PDS5B: variants seen among roughly 807,000 people sequenced by gnomAD.
PDS5B encodes the protein PDS5 cohesin associated factor B, also known as sister chromatid cohesion protein PDS5 homolog B.
In PDS5B, 51 loss-of-function variants were observed where a neutral mutation model predicts 184.1. The ratio of observed to expected loss-of-function variants is 0.28; its 90% CI spans 0.22 to 0.35. The LOEUF (loss-of-function observed/expected upper bound fraction) is 0.35. PDS5B is among the 10% of genes least tolerant of loss of function. The pLI, the probability that PDS5B is intolerant of heterozygous loss-of-function variation, is 1.00. For missense variants in PDS5B, 1,180 were observed against 1,723.3 expected (o/e 0.68, Z 5.58); for synonymous variants, 566 against 569.2 (o/e 0.99, Z 0.08).
At chr13:32,753,214 A>G (rs1391691955) in intron 24 of PDS5B, 118 bp from the exon 25 acceptor site, 8 of 709,814 alleles carry the variant, frequency 1.1e-5, no homozygotes, top group African/African-American at 3.6e-5. Flanking sequence ...CAGTGAAGCA[A>G]TTATTGTAGA....
chr13:32,712,313 C>T (rs1157668971), intron 19 of PDS5B, among the ~76,000 whole-genome samples: 1 of 152,158 alleles, frequency 6.6e-6, no homozygotes, highest in East Asian at 1.9e-4. Flanking sequence ...GAATATATTT[C>T]AGATACTTCT....
intron 1 of PDS5B, among the ~76,000 whole-genome samples, chr13:32,639,986 A>G (rs1402138649): frequency 6.6e-6 from 1 of 152,150 alleles, no homozygotes; most frequent in South Asian, 2.1e-4. Flanking sequence ...AAAAAATAGG[A>G]TTGCTTATTG....
In PDS5B at chr13:32,721,706, C is replaced by G. The variant is rs115604482; in HGVS notation, c.2124-10395C>G. On this transcript the variant is annotated intron_variant, in intron 19 of 34. Transcript: ENST00000315596. ...TGGGCGGCCAGGCAGAGACGCTCCTCAATTCTTAGACAGGATGACGGCCGG... is the reference window on the plus strand; with the variant it reads ...TGGGCGGCCAGGCAGAGACGCTCCTGAATTCTTAGACAGGATGACGGCCGG... Among the ~76,000 whole-genome samples, 928 of 151,308 alleles carry G rather than the reference C, an allele frequency of 6.1e-3. 17 individuals carry two copies. Among genetic ancestry groups the G allele is most frequent in the African/African-American group, 0.022 (896 of 41,100 alleles).
intron 30 of PDS5B, among the ~76,000 whole-genome samples, chr13:32,762,897 C>A (rs993633068): frequency 6.6e-6 from 1 of 152,112 alleles, no homozygotes; most frequent in Non-Finnish European, 1.5e-5. Context: ...GCTCAGAGAT[C>A]TTAATTGGCT....
At chr13:32,743,608 G>C (rs376513311) in intron 23 of PDS5B, among the ~76,000 whole-genome samples, 1 of 152,170 alleles carries the variant, frequency 6.6e-6, no homozygotes, top group East Asian at 1.9e-4. Flanking sequence ...AAAGATGACT[G>C]CCAGCTGCCT....
At chr13:32,704,618 G>A (rs1318310903) in intron 17 of PDS5B, among the ~76,000 whole-genome samples, 3 of 152,186 alleles carry the variant, frequency 2.0e-5, no homozygotes, top group African/African-American at 7.2e-5. Context: ...CTTTATTATA[G>A]CGTAAATTCT....
intron 1 of PDS5B, among the ~76,000 whole-genome samples, chr13:32,630,469 C>G (rs1367267673): frequency 6.6e-6 from 1 of 152,052 alleles, no homozygotes; most frequent in African/African-American, 2.4e-5. Flanking sequence ...ACAGGTGCAC[C>G]CTGACCTCCA....
chr13:32,758,784 G>A (rs1954274996), intron 28 of PDS5B, 131 bp downstream of exon 28: 8 of 821,050 alleles, frequency 9.7e-6, no homozygotes, highest in Non-Finnish European at 1.6e-5. Context: ...ATCAGAACCA[G>A]AATATGAGTC....
chr13:32,753,683 A>G (rs574342644), intron 25 of PDS5B, 147 bp downstream of exon 25: 16 of 577,050 alleles, frequency 2.8e-5, no homozygotes, highest in Middle Eastern at 9.4e-4. Context: ...CTTTTCATTT[A>G]ATATGAAGGT....
intron 17 of PDS5B, among the ~76,000 whole-genome samples, 191 bp from the exon 18 acceptor site, chr13:32,706,743 G>T (rs181063230): frequency 1.3e-4 from 20 of 152,254 alleles, no homozygotes; most frequent in Middle Eastern, 3.4e-3. Flanking sequence ...CAAGGGAAAA[G>T]AATTGTTTTT....
intron 1 of PDS5B, among the ~76,000 whole-genome samples, chr13:32,633,305 T>C (rs2058487002): frequency 6.6e-6 from 1 of 152,182 alleles, no homozygotes; most frequent in Non-Finnish European, 1.5e-5. Context: ...TGGTAGATTC[T>C]ATGTTACATA....
At chr13:32,717,231 G>A (rs1445821941) in intron 19 of PDS5B, among the ~76,000 whole-genome samples, 4 of 152,060 alleles carry the variant, frequency 2.6e-5, no homozygotes, top group Admixed American at 6.5e-5. Flanking sequence ...TGACAATGGC[G>A]GTTTTGTGGA....
chr13:32,673,494 T>A lies in PDS5B; in HGVS notation c.846+138T>A, dbSNP rs1346230923. The stretch of plus-strand genomic sequence containing the variant: ...GTATTACTATTATTTCTTCACGTAT[T>A]TGTGCCGTGTCTGTTTGTGAATCTT... On this transcript the variant is annotated intron_variant, in intron 8 of 34. Transcript: ENST00000315596. 5.0e-5 allele frequency: 36 copies of A among 714,630 alleles called. 1 individual carries two copies. The Middle Eastern group carries it at 2.0e-3, about 40-fold the overall frequency. 44.3% of individuals were successfully genotyped at this position (714,630 alleles called of 1,614,324 possible). A position where few individuals can be genotyped will look rare whatever the true frequency, so the allele number is the denominator to read the frequency against.
chr13:32,644,081 A>G (rs1278324558), intron 1 of PDS5B, among the ~76,000 whole-genome samples: 1 of 152,154 alleles, frequency 6.6e-6, no homozygotes, highest in Non-Finnish European at 1.5e-5. Flanking sequence ...ATTGAATAAA[A>G]GTGCTGGGAG....
At chr13:32,695,172 A>T (rs1326268642) in intron 14 of PDS5B, among the ~76,000 whole-genome samples, 2 of 151,882 alleles carry the variant, frequency 1.3e-5, no homozygotes, top group Non-Finnish European at 2.9e-5. Context: ...TTAAACCTTC[A>T]GATCACTAGT....
At chr13:32,665,300 C>T (rs543527425) in intron 6 of PDS5B, among the ~76,000 whole-genome samples, 11 of 151,888 alleles carry the variant, frequency 7.2e-5, no homozygotes, top group Admixed American at 5.2e-4. Context: ...TGAAAATAAA[C>T]GTCTTTGGGG....
intron 1 of PDS5B, among the ~76,000 whole-genome samples, chr13:32,607,441 C>A (rs918027826): frequency 6.6e-5 from 10 of 152,166 alleles, no homozygotes; most frequent in African/African-American, 2.4e-4. Context: ...CAGAGGGGCA[C>A]CTGGCTGTAT....
intron 16 of PDS5B, among the ~76,000 whole-genome samples, chr13:32,700,245 T>C (rs999595502): frequency 7.2e-5 from 11 of 152,114 alleles, no homozygotes; most frequent in African/African-American, 2.7e-4. Context: ...TTTTACACAG[T>C]CTTGATTCTT....
intron 17 of PDS5B, among the ~76,000 whole-genome samples, chr13:32,701,884 A>C (rs1178831239): frequency 6.6e-6 from 1 of 152,136 alleles, no homozygotes; most frequent in Admixed American, 6.5e-5. Flanking sequence ...TAATTTGAGA[A>C]CTGAAAATGT....
Sources: allele counts gnomAD v4.1 joint callset (sites outside exome capture counted in the v4.1 genomes callset), GRCh38; gene constraint gnomAD v4.1.1; transcripts MANE v1.5; gene names NCBI Gene and HGNC (gene_info 2026-07-23, HGNC 2026-07-21).